ANO6: variants seen among roughly 807,000 people sequenced by gnomAD.
ANO6 encodes the protein anoctamin-6.
A neutral mutation model predicts 117.5 loss-of-function variants in ANO6; 106 were observed. The ratio of observed to expected loss-of-function variants is 0.90; its 90% CI spans 0.77 to 1.06. The LOEUF (loss-of-function observed/expected upper bound fraction) is 1.06. Ranked by LOEUF, ANO6 falls within the 50% of genes least tolerant of loss-of-function variation. The pLI, the probability that ANO6 is intolerant of heterozygous loss-of-function variation, is 0.00. For missense variants in ANO6, 955 were observed against 1,121.1 expected (o/e 0.85, Z 2.12); for synonymous variants, 367 against 385.1 (o/e 0.95, Z 0.55).
At chr12:45,295,124 G>T (rs1939244023) in intron 1 of ANO6, among the ~76,000 whole-genome samples, 1 of 152,184 alleles carries the variant, frequency 6.6e-6, no homozygotes, top group African/African-American at 2.4e-5. Flanking sequence ...CCATTGTCCT[G>T]TGTAGCAATA....
At position 45,409,937 on chromosome 12, in the gene ANO6, G is replaced by A. The variant is rs1177055956; in HGVS notation, c.2011+450G>A. Among the ~76,000 whole-genome samples, 4 of 152,078 alleles carry A rather than the reference G, an allele frequency of 2.6e-5. No homozygotes were observed. The South Asian group carries it at 6.2e-4, about 24-fold the overall frequency. The stretch of plus-strand genomic sequence containing the variant: ...CACCCAGCTTATTTTTGGACTTTTA[G>A]TACTGACAGGGTTTCACCATGTTGT... On this transcript the variant is annotated intron_variant, in intron 16 of 19. Transcript: ENST00000320560.
Position 45,429,266 on chromosome 12 carries a change from G to T in ANO6, c.2688G>T (p.Arg896=), listed in dbSNP as rs891282741. The stretch of plus-strand genomic sequence containing the variant: ...AAAATATGGGGGTGATAGCTGAGCG[G>T]ATGATAGAAGCAGTAGATAACAATT... ...MTKNMGVIAE[R]MIEAVDNNLR... Residue 896 remains arginine (R), a synonymous_variant, in exon 20 of 20, where the codon CGG becomes CGT. Transcript: ENST00000320560. 5 of 1,613,810 alleles carry T rather than the reference G, an allele frequency of 3.1e-6. No individual in the cohort carries two copies. In the South Asian group the frequency reaches 3.3e-5, roughly 11 times the overall value.
At chr12:45,343,522 A>G (rs1167806411) in intron 3 of ANO6, among the ~76,000 whole-genome samples, 1 of 152,088 alleles carries the variant, frequency 6.6e-6, no homozygotes, top group Non-Finnish European at 1.5e-5. Flanking sequence ...AGAATACTCC[A>G]TCCCTCTACT....
chr12:45,216,448 T>C, intron 1 of ANO6, 57 bp downstream of exon 1: 1 of 1,577,970 alleles, frequency 6.3e-7, no homozygotes, highest in East Asian at 2.3e-5. Context: ...CGGGAAGAAG[T>C]TCGGGGACTG....
chr12:45,267,810 T>C (rs901572590), intron 1 of ANO6, among the ~76,000 whole-genome samples: 14 of 152,028 alleles, frequency 9.2e-5, no homozygotes, highest in African/African-American at 2.9e-4. Context: ...TAGCACTTAC[T>C]TGTTGTAAAT....
At chr12:45,239,333 T>A (rs1173990645) in intron 1 of ANO6, among the ~76,000 whole-genome samples, 1 of 152,240 alleles carries the variant, frequency 6.6e-6, no homozygotes, top group Non-Finnish European at 1.5e-5. Flanking sequence ...TGTGTGGGTG[T>A]GTTTGTAGTA....
At chr12:45,393,978 C>A (rs898030393) in intron 12 of ANO6, among the ~76,000 whole-genome samples, 1 of 152,138 alleles carries the variant, frequency 6.6e-6, no homozygotes, top group African/African-American at 2.4e-5. Context: ...ATGACAGGAT[C>A]AAATTCACAC....
At chr12:45,387,297 T>G (rs967007026) in intron 10 of ANO6, among the ~76,000 whole-genome samples, 1 of 152,206 alleles carries the variant, frequency 6.6e-6, no homozygotes, top group African/African-American at 2.4e-5. Flanking sequence ...TAAAAAATTA[T>G]TTTAGTCATA....
chr12:45,418,522 G>A (rs1943271736), intron 17 of ANO6, among the ~76,000 whole-genome samples: 1 of 152,298 alleles, frequency 6.6e-6, no homozygotes, highest in African/African-American at 2.4e-5. Flanking sequence ...ACATGGACTT[G>A]TGTGCTTTAA....
At chr12:45,418,146 A>G (rs1943261256) in intron 17 of ANO6, among the ~76,000 whole-genome samples, 1 of 152,158 alleles carries the variant, frequency 6.6e-6, no homozygotes, top group Admixed American at 6.5e-5. Flanking sequence ...GGACTCTGAC[A>G]GGTACCCCAA....
intron 1 of ANO6, among the ~76,000 whole-genome samples, chr12:45,221,511 G>T (rs74080976): frequency 0.01 from 1,577 of 152,238 alleles, 30 homozygotes; most frequent in African/African-American, 0.036. Flanking sequence ...AGGATTTTGG[G>T]TTTTACTCTG....
chr12:45,325,021 A>G (rs973277171), intron 2 of ANO6, among the ~76,000 whole-genome samples: 6 of 152,206 alleles, frequency 3.9e-5, no homozygotes, highest in Admixed American at 2.6e-4. Flanking sequence ...AAACATAGGT[A>G]AGCTAAAGAT....
At chr12:45,276,205 A>T (rs967941375) in intron 1 of ANO6, among the ~76,000 whole-genome samples, 24 of 152,082 alleles carry the variant, frequency 1.6e-4, no homozygotes, top group Non-Finnish European at 7.4e-5. Context: ...TACCTTCAAA[A>T]TGATTTTGAG....
chr12:45,242,296 C>G (rs986724506), intron 1 of ANO6, among the ~76,000 whole-genome samples: 1 of 152,246 alleles, frequency 6.6e-6, no homozygotes, highest in Non-Finnish European at 1.5e-5. Context: ...ACACCCCTTC[C>G]CCTACCAGGC....
intron 18 of ANO6, among the ~76,000 whole-genome samples, chr12:45,421,856 C>T (rs575058057): frequency 6.6e-6 from 1 of 152,076 alleles, no homozygotes; most frequent in Non-Finnish European, 1.5e-5. Flanking sequence ...ACAGTATGTA[C>T]CAGGTAAATT....
chr12:45,306,783 A>G (rs745774895), intron 2 of ANO6, among the ~76,000 whole-genome samples: 4 of 151,798 alleles, frequency 2.6e-5, no homozygotes, highest in Non-Finnish European at 4.4e-5. Flanking sequence ...ATAAAACACA[A>G]ACGTCAGATA....
chr12:45,363,232 A>G (rs1259035117), intron 8 of ANO6, among the ~76,000 whole-genome samples: 1 of 152,024 alleles, frequency 6.6e-6, no homozygotes, highest in Non-Finnish European at 1.5e-5. Flanking sequence ...AAAGTTTTAG[A>G]TTTTGGACCA....
chr12:45,319,346 A>G (rs752684120), intron 2 of ANO6, among the ~76,000 whole-genome samples: 7 of 152,128 alleles, frequency 4.6e-5, no homozygotes, highest in Non-Finnish European at 8.8e-5. Context: ...ATTTTGTCGA[A>G]GGCCTTTTCT....
intron 16 of ANO6, among the ~76,000 whole-genome samples, 193 bp from the exon 17 acceptor site, chr12:45,416,506 A>G (rs922952552): frequency 7.9e-5 from 12 of 152,220 alleles, no homozygotes; most frequent in Admixed American, 6.5e-4. Flanking sequence ...GCTATAATTA[A>G]TCTTCTTTCC....
Sources: allele counts gnomAD v4.1 joint callset (sites outside exome capture counted in the v4.1 genomes callset), GRCh38; gene constraint gnomAD v4.1.1; transcripts MANE v1.5; gene names NCBI Gene and HGNC (gene_info 2026-07-23, HGNC 2026-07-21).